The following PLEKHG4 variants were observed in gnomAD, a reference collection of about 807,000 sequenced individuals.
PLEKHG4 encodes the protein pleckstrin homology and RhoGEF domain containing G4, also known as puratrophin-1.
A neutral mutation model predicts 136.9 loss-of-function variants in PLEKHG4; 85 were observed. That is an observed-to-expected ratio of 0.62 (90% CI 0.52 to 0.74). The LOEUF is 0.74. Among genes scored for constraint, PLEKHG4 ranks in the 30% least tolerant of loss-of-function variants. The probability of loss-of-function intolerance (pLI) is 0.00; values close to 1 mark genes in which losing one functional copy is unlikely to be tolerated. For synonymous variants in PLEKHG4, 577 were observed against 646.9 expected (o/e 0.89, Z 1.64); for missense variants, 1,317 against 1,527.8 (o/e 0.86, Z 2.30).
Position 67,285,116 on chromosome 16 carries a change from T to A in PLEKHG4, c.2096T>A (p.Ile699Asn). ...TGCCACTGCCACCATGCGGCCACTA[T>A]TGCTGCCTGCCGCAGACCAGAGGCT... Reference protein sequence around the residue: ...PACHCHHAATIAACRRPEAGG... With the variant: ...PACHCHHAATNAACRRPEAGG... Residue 699 changes from isoleucine to asparagine, a missense_variant, in exon 13 of 22, where the codon ATT becomes AAT. By Grantham distance (149) the Ile-to-Asn change is moderately radical (BLOSUM62 -3). Coordinates refer to ENST00000379344, the MANE Select transcript of PLEKHG4 (RefSeq NM_001129729.3). The A allele has an allele frequency of 6.2e-7, 1 of 1,613,426 alleles. No individual in the cohort carries two copies. The highest frequency in any genetic ancestry group is 8.5e-7 in the Non-Finnish European group (1 of 1,180,002).
At chr16:67,281,978 C>T (rs1462011842) in intron 7 of PLEKHG4, 31 bp from the exon 8 acceptor site, 11 of 1,582,034 alleles carry the variant, frequency 7.0e-6, no homozygotes, top group East Asian at 2.2e-5. Context: ...ACACTGCATG[C>T]TGCTCCGGTC....
chr16:67,288,665 GTGACCA>G (rs2036602920), intron 21 of PLEKHG4, 61 bp downstream of exon 21: 5 of 1,604,936 alleles, frequency 3.1e-6, no homozygotes, highest in Non-Finnish European at 4.3e-6. Flanking sequence ...GCCTGTGACT[GTGACCA>G]GCCCCTCCCC....
rs80024062 is a variant in PLEKHG4 at position 67,286,908 on chromosome 16, C to T, written c.2914C>T (p.Arg972Cys). The change falls in exon 17 of 22, where the codon CGC becomes TGC. Residue 972 changes from arginine to cysteine, a missense_variant. Coordinates refer to ENST00000379344, the MANE Select transcript of PLEKHG4 (RefSeq NM_001129729.3). ...AGGGGTTGACACATTTGCCTACAAG[C>T]GCTCCTTCAAGGTAGGCCTGCCCAC... ...PTGVDTFAYK[R>C]SFKMADLGLT... 2,727 of 1,613,812 alleles carry T rather than the reference C, an allele frequency of 1.7e-3. 15 individuals are homozygous for T. Among genetic ancestry groups the T allele is most frequent in the South Asian group, 1.4e-3 (127 of 91,092 alleles).
intron 14 of PLEKHG4, among the ~76,000 whole-genome samples, chr16:67,285,868 G>C (rs908682867): frequency 2.0e-5 from 3 of 152,180 alleles, no homozygotes; most frequent in Non-Finnish European, 4.4e-5. Context: ...TTAAGCTGAG[G>C]AATAGGGGAG....
chr16:67,287,490 C>T, intron 18 of PLEKHG4: 1 of 509,794 alleles, frequency 2.0e-6, no homozygotes, highest in Non-Finnish European at 3.6e-6. Flanking sequence ...GCCTCTGCCT[C>T]CTGAGCTCAA....
In PLEKHG4 at chr16:67,284,942, A is replaced by G. The variant is rs2036397365; in HGVS notation, c.1922A>G (p.Gln641Arg). Residue 641 changes from glutamine (Q) to arginine (R), a missense_variant, in exon 13 of 22, where the codon CAA (glutamine) becomes CGA (arginine). Gln to Arg is a conservative substitution (Grantham distance 43). Transcript: ENST00000379344. The surrounding 1 kb of genome is among the most constrained non-coding windows in gnomAD (Gnocchi z 4.4). ...CAGGACACCTGGCTGGCCCTGGACC[A>G]AAAGCTTGAGGCTTCACTGAAGCTA... ...RCQDTWLALD[Q>R]KLEASLKLPP... 6.2e-7 allele frequency: 1 copy of G among 1,612,840 alleles called. No homozygotes were observed. The highest frequency in any genetic ancestry group is 8.5e-7 in the Non-Finnish European group (1 of 1,179,924).
Position 67,282,557 on chromosome 16 carries a change from C to G in PLEKHG4, c.1308C>G (p.His436Gln), listed in dbSNP as rs559432426. 6.2e-7 allele frequency: 1 copy of G among 1,614,092 alleles called. No individual in the cohort carries two copies. The highest frequency in any genetic ancestry group is 1.7e-5 in the Admixed American group (1 of 60,020). Reference sequence around the variant, plus strand: ...ATGACCGGGTGGATGGATTGCTGCACCAACTGACCCTGCAGAGCAACCAGC... The same window carrying G: ...ATGACCGGGTGGATGGATTGCTGCAGCAACTGACCCTGCAGAGCAACCAGC... ...ELYDRVDGLL[H>Q]QLTLQSNQRI... Residue 436 changes from histidine (H) to glutamine (Q), a missense_variant, in exon 10 of 22, where the codon CAC becomes CAG. His to Gln is a conservative substitution (Grantham distance 24). Transcript: ENST00000379344.
chr16:67,282,973 A>G (rs1253620684), intron 11 of PLEKHG4, 115 bp downstream of exon 11: 1 of 781,394 alleles, frequency 1.3e-6, no homozygotes, highest in Non-Finnish European at 2.2e-6. Flanking sequence ...TTATAGTCCC[A>G]TAGAAGATAT....
Position 67,279,917 on chromosome 16 carries a change from C to A in PLEKHG4, c.-128C>A, listed in dbSNP as rs2036132533. ...CTGTGCCCTGGCACTAAGACTGGCA[C>A]CTCCTGCGGCCCATGCCCTTCGCCT... is the stretch of plus-strand genomic sequence containing the variant. On this transcript the variant is annotated 5_prime_UTR_variant, in exon 2 of 22. Transcript: ENST00000379344. 1.1e-6 allele frequency: 1 copy of A among 902,760 alleles called. No homozygotes were observed. Among genetic ancestry groups the A allele is most frequent in the Non-Finnish European group, 1.7e-6 (1 of 597,034 alleles). 55.9% of individuals were successfully genotyped at this position (902,760 alleles called of 1,614,324 possible).
Position 67,285,385 on chromosome 16 carries a change from G to A in PLEKHG4, c.2291G>A (p.Arg764His), listed in dbSNP as rs1341087455. The change falls in exon 14 of 22, where the codon CGC (arginine) becomes CAC (histidine). Residue 764 changes from arginine to histidine, a missense_variant. Physicochemically the swap from Arg to His is conservative, Grantham distance 29. Coordinates refer to ENST00000379344, the MANE Select transcript of PLEKHG4 (RefSeq NM_001129729.3). The part of the protein sequence containing the change: ...TMENYFPELD[R>H]PDVPQGLRGQ... ...GAGAACTATTTCCCCGAGCTGGATC[G>A]CCCCGATGTGCCCCAGGGCCTCCGC... 10 of 1,614,084 alleles carry A rather than the reference G, an allele frequency of 6.2e-6. No homozygotes were observed. The highest frequency in any genetic ancestry group is 1.3e-5 in the African/African-American group (1 of 74,926).
intron 10 of PLEKHG4, 34 bp from the exon 11 acceptor site, chr16:67,282,708 C>T (rs368200672): frequency 8.0e-5 from 129 of 1,613,188 alleles, no homozygotes; most frequent in Non-Finnish European, 1.0e-4. Flanking sequence ...TCCATAGCAG[C>T]TCTCTTCACT....
intron 9 of PLEKHG4, 37 bp from the exon 10 acceptor site, chr16:67,282,466 C>T (rs1251697145): frequency 6.2e-7 from 1 of 1,613,664 alleles, no homozygotes; most frequent in Non-Finnish European, 8.5e-7. Flanking sequence ...TGGAGTGGTG[C>T]AAGGCAGGGG....
intron 14 of PLEKHG4, among the ~76,000 whole-genome samples, chr16:67,285,883 T>C (rs1182435410): frequency 1.3e-5 from 2 of 152,064 alleles, no homozygotes; most frequent in African/African-American, 2.4e-5. Context: ...GGGGAGGGGC[T>C]GGAGTGAGTG....
At chr16:67,287,254 T>C (rs1375956523) in intron 18 of PLEKHG4, 77 bp downstream of exon 18, 7 of 1,489,682 alleles carry the variant, frequency 4.7e-6, no homozygotes, top group Non-Finnish European at 6.5e-6. Flanking sequence ...CCCAGAGACC[T>C]GGGAAAAGCT....
rs1180557734 is a variant in PLEKHG4 at position 67,282,227 on chromosome 16, A to G, written c.1131A>G (p.Thr377=). The G allele has an allele frequency of 1.2e-6, 2 of 1,613,474 alleles. No individual in the cohort carries two copies. Among genetic ancestry groups the G allele is most frequent in the Admixed American group, 3.3e-5 (2 of 60,014 alleles). The change falls in exon 9 of 22, where the codon ACA becomes ACG. Residue 377 remains threonine, a synonymous_variant. Coordinates refer to ENST00000379344, the MANE Select transcript of PLEKHG4 (RefSeq NM_001129729.3). The part of the protein sequence containing the change: ...PGEVGQLLQQ[T]EVLMQQVLDS... Reference sequence around the variant, plus strand: ...AGGTCGGTCAGCTGCTACAGCAGACAGAGGTCCTGATGCAGCAGGTGCTAG... The same window carrying G: ...AGGTCGGTCAGCTGCTACAGCAGACGGAGGTCCTGATGCAGCAGGTGCTAG...
In PLEKHG4 at chr16:67,288,982, G is replaced by A. The variant is rs1433897541; in HGVS notation, c.*174G>A. 2.6e-6 allele frequency: 2 copies of A among 762,340 alleles called. No homozygotes were observed. The highest frequency in any genetic ancestry group is 4.6e-6 in the Non-Finnish European group (2 of 437,232). The allele number at this position is 762,340 out of a possible 1,614,324, so 47.2% of individuals were successfully genotyped here. A position where few individuals can be genotyped will look rare whatever the true frequency, so the allele number is the denominator to read the frequency against. ...TGGCCATTGGACTAACTGGCACGGGGCCTCTCTAGGGAAGTCTGGTTGTAG... is the reference window on the plus strand; with the variant it reads ...TGGCCATTGGACTAACTGGCACGGGACCTCTCTAGGGAAGTCTGGTTGTAG... On this transcript the variant is annotated 3_prime_UTR_variant, in exon 22 of 22. Transcript: ENST00000379344.
At position 67,280,601 on chromosome 16, in the gene PLEKHG4, A is replaced by G; in HGVS notation, c.499+58A>G. On this transcript the variant is annotated intron_variant, in intron 2 of 21. Transcript: ENST00000379344. This position sits in a 1 kb window ranked among gnomAD's most constrained non-coding sequence, Gnocchi z 4.4. ...GGGAATGGGGATGCCTGGAGAGATG[A>G]GTGTCAAGACTTTGGAGGTCTCTGA... The G allele has an allele frequency of 6.2e-7, 1 of 1,612,546 alleles. No homozygotes were observed. The highest frequency in any genetic ancestry group is 1.7e-4 in the Middle Eastern group (1 of 6,056).
chr16:67,288,905 GCTA>G lies in PLEKHG4; in HGVS notation c.*99_*101del. The G allele has an allele frequency of 2.2e-6, 3 of 1,370,508 alleles. No homozygotes were observed. Among genetic ancestry groups the G allele is most frequent in the Non-Finnish European group, 3.1e-6 (3 of 974,086 alleles). 84.9% of individuals were successfully genotyped at this position (1,370,508 alleles called of 1,614,324 possible). A position where few individuals can be genotyped will look rare whatever the true frequency, so the allele number is the denominator to read the frequency against. ...TGACCAGGGTGTGGCTGACACCTGG[GCTA>G]CCTCCAACCTACATGTGCAACGCTG... On this transcript the variant is annotated 3_prime_UTR_variant, in exon 22 of 22. Transcript: ENST00000379344.
chr16:67,282,138 TG>T, intron 8 of PLEKHG4, 31 bp downstream of exon 8: 1 of 1,613,138 alleles, frequency 6.2e-7, no homozygotes, highest in Non-Finnish European at 8.5e-7. Context: ...CCTCCATGAA[TG>T]CTCCCTGTCT....
Sources: gnomAD v4.1 joint callset for allele counts (sites outside exome capture counted in the v4.1 genomes callset) on GRCh38, gnomAD v4.1.1 for gene constraint, Gnocchi (gnomAD v3.1) non-coding constraint, MANE v1.5 for transcripts, NCBI Gene and HGNC (gene_info 2026-07-23, HGNC 2026-07-21) for gene names.